The following AKAP7 variants were observed in gnomAD, a reference collection of about 807,000 sequenced individuals.
The protein encoded by AKAP7 is A-kinase anchoring protein 7, also known as A kinase (PRKA) anchor protein 7.
AKAP7 carries 39 observed loss-of-function variants against 39.5 expected under a neutral mutation model. That is an observed-to-expected ratio of 0.99 (90% CI 0.76 to 1.29). The LOEUF (loss-of-function observed/expected upper bound fraction) is 1.29. Among genes scored for constraint, AKAP7 ranks in the 50% most tolerant of loss-of-function variants. AKAP7 has a pLI of 0.00. For synonymous variants in AKAP7, 140 were observed against 139.1 expected (o/e 1.01, Z -0.05); for missense variants, 414 against 407.7 (o/e 1.02, Z -0.13).
At chr6:131,161,644 C>CAAAAAAAAAAAAAAAAAAAAAAAAAAA (rs55744190) in intron 3 of AKAP7, among the ~76,000 whole-genome samples, 1 of 33,624 alleles carries the variant, frequency 3.0e-5, no homozygotes, top group Non-Finnish European at 5.3e-5. Flanking sequence ...GACTGTATCT[C>CAAAAAAAAAAAAAAAAAAAAAAAAAAA]AAAAAAAAAA....
chr6:131,202,657 C>T (rs1807700994), intron 6 of AKAP7, among the ~76,000 whole-genome samples: 1 of 150,538 alleles, frequency 6.6e-6, no homozygotes, highest in Non-Finnish European at 1.5e-5. Flanking sequence ...ATACCTAACG[C>T]TAAATGACGA....
intron 7 of AKAP7, among the ~76,000 whole-genome samples, chr6:131,231,594 GTATT>G (rs1176634254): frequency 1.3e-5 from 2 of 151,958 alleles, no homozygotes; most frequent in Admixed American, 6.6e-5. Flanking sequence ...TGACTACAAG[GTATT>G]TATTTATTTT....
chr6:131,144,488 T>C (rs1169273848), intron 1 of AKAP7, among the ~76,000 whole-genome samples: 1 of 152,206 alleles, frequency 6.6e-6, no homozygotes, highest in African/African-American at 2.4e-5. Context: ...CAGGATTCTG[T>C]TCAATCTTAT....
chr6:131,234,556 A>C (rs1383423985), intron 7 of AKAP7, among the ~76,000 whole-genome samples: 1 of 152,276 alleles, frequency 6.6e-6, no homozygotes, highest in East Asian at 1.9e-4. Context: ...AGGGACGTGT[A>C]AGTAATTCAC....
At chr6:131,270,716 C>T (rs1057323213) in intron 7 of AKAP7, among the ~76,000 whole-genome samples, 1 of 152,192 alleles carries the variant, frequency 6.6e-6, no homozygotes, top group African/African-American at 2.4e-5. Context: ...AGTTGCTTCA[C>T]ATCCTCACCA....
At chr6:131,186,632 T>A (rs1186373806) in intron 5 of AKAP7, among the ~76,000 whole-genome samples, 7 of 152,138 alleles carry the variant, frequency 4.6e-5, no homozygotes, top group Non-Finnish European at 1.5e-5. Flanking sequence ...GAAGATTTAG[T>A]GTTTGGAGAG....
chr6:131,209,658 T>C (rs1458419245), intron 6 of AKAP7, among the ~76,000 whole-genome samples: 1 of 152,198 alleles, frequency 6.6e-6, no homozygotes, highest in Non-Finnish European at 1.5e-5. Flanking sequence ...GTGTTTGCCT[T>C]AATTATATTA....
chr6:131,278,603 A>G (rs889274208), intron 7 of AKAP7, among the ~76,000 whole-genome samples: 1 of 152,216 alleles, frequency 6.6e-6, no homozygotes, highest in Admixed American at 6.5e-5. Flanking sequence ...ACTTACAATC[A>G]TGGCAGAAGG....
chr6:131,159,388 T>C (rs916463383), intron 2 of AKAP7, among the ~76,000 whole-genome samples: 13 of 151,984 alleles, frequency 8.6e-5, no homozygotes, highest in Admixed American at 2.6e-4. Context: ...CCACCGAGCC[T>C]GGCCAAGGAT....
intron 6 of AKAP7, among the ~76,000 whole-genome samples, chr6:131,204,982 G>C (rs1368580558): frequency 2.0e-5 from 3 of 152,112 alleles, no homozygotes. Context: ...TGAAAGTACT[G>C]ATGCACTAAA....
intron 3 of AKAP7, among the ~76,000 whole-genome samples, chr6:131,164,773 A>C (rs1803315626): frequency 6.6e-6 from 1 of 152,186 alleles, no homozygotes; most frequent in Non-Finnish European, 1.5e-5. Flanking sequence ...TTCTGAAAAG[A>C]TGCAGGGCCA....
intron 7 of AKAP7, among the ~76,000 whole-genome samples, chr6:131,222,704 A>G (rs907214292): frequency 6.6e-6 from 1 of 152,210 alleles, no homozygotes; most frequent in Admixed American, 6.5e-5. Context: ...AAAGATCCTT[A>G]AACATTGTTG....
intron 6 of AKAP7, among the ~76,000 whole-genome samples, chr6:131,208,251 TG>T (rs1465981010): frequency 1.3e-5 from 2 of 152,190 alleles, no homozygotes; most frequent in African/African-American, 2.4e-5. Context: ...TTCTGTATAT[TG>T]AAAAAAAACA....
chr6:131,207,487 T>TA (rs1808221490), intron 6 of AKAP7, among the ~76,000 whole-genome samples: 1 of 142,242 alleles, frequency 7.0e-6, no homozygotes. Flanking sequence ...CCTGGCTAAT[T>TA]AAAATTTTTT....
intron 1 of AKAP7, 65 bp downstream of exon 1, chr6:131,135,847 T>C: frequency 8.2e-7 from 1 of 1,223,162 alleles, no homozygotes; most frequent in African/African-American, 1.6e-5. Flanking sequence ...CTGGGCCTGC[T>C]CTGCGCTCGA....
intron 6 of AKAP7, among the ~76,000 whole-genome samples, chr6:131,214,651 T>C (rs186197863): frequency 6.6e-6 from 1 of 152,328 alleles, no homozygotes; most frequent in East Asian, 1.9e-4. Flanking sequence ...TATCTCCCTC[T>C]CTGAAATTAA....
At chr6:131,162,909 C>A (rs933423577) in intron 3 of AKAP7, among the ~76,000 whole-genome samples, 1 of 152,186 alleles carries the variant, frequency 6.6e-6, no homozygotes, top group Non-Finnish European at 1.5e-5. Context: ...TGCAACTTGA[C>A]ACTTGTCTTC....
At chr6:131,271,708 A>G (rs1197965458) in intron 7 of AKAP7, among the ~76,000 whole-genome samples, 4 of 152,132 alleles carry the variant, frequency 2.6e-5, no homozygotes, top group Admixed American at 2.6e-4. Flanking sequence ...TTTACAAATT[A>G]CAAATGGGAA....
Position 131,282,384 on chromosome 6 carries a change from AT to A in AKAP7, c.*667del, listed in dbSNP as rs752361676. 1.3e-4 allele frequency: 184 copies of A among 1,440,542 alleles called. No homozygotes were observed. The highest frequency in any genetic ancestry group is 8.6e-4 in the African/African-American group (60 of 69,572). 89.2% of individuals were successfully genotyped at this position (1,440,542 alleles called of 1,614,324 possible). A position where few individuals can be genotyped will look rare whatever the true frequency, so the allele number is the denominator to read the frequency against. The stretch of plus-strand genomic sequence containing the variant: ...ATATTTAATGAAATGTTATTATATA[AT>A]TTTTTTTTCTTAGGCAAGAAACCTA... On this transcript the variant is annotated 3_prime_UTR_variant, in exon 8 of 8. Transcript: ENST00000431975.
Sources: allele counts gnomAD v4.1 joint callset (sites outside exome capture counted in the v4.1 genomes callset), GRCh38; gene constraint gnomAD v4.1.1; transcripts MANE v1.5; gene names NCBI Gene and HGNC (gene_info 2026-07-23, HGNC 2026-07-21).